Variants in CCDC192 observed in about 807,000 individuals in gnomAD.
The protein encoded by CCDC192 is coiled-coil domain containing 192, also known as coiled-coil domain-containing protein 192.
chr5:127,820,521 G>A (rs1217767734), intron 5 of CCDC192, among the ~76,000 whole-genome samples: 1 of 152,208 alleles, frequency 6.6e-6, no homozygotes, highest in Non-Finnish European at 1.5e-5. Context: ...TGCAGAGGTT[G>A]AGGAGAGCTG....
chr5:127,906,825 C>T (rs577261042), intron 6 of CCDC192, among the ~76,000 whole-genome samples: 4 of 152,168 alleles, frequency 2.6e-5, no homozygotes, highest in African/African-American at 9.6e-5. Context: ...TATTTGAGTT[C>T]CTCCTTTCAG....
intron 5 of CCDC192, among the ~76,000 whole-genome samples, chr5:127,849,872 A>G (rs1340654996): frequency 1.3e-5 from 2 of 152,322 alleles, no homozygotes; most frequent in Non-Finnish European, 2.9e-5. Context: ...AAATCCAAAT[A>G]AGACCTTTCA....
At chr5:127,936,515 A>G (rs938446960) in intron 6 of CCDC192, among the ~76,000 whole-genome samples, 1 of 152,162 alleles carries the variant, frequency 6.6e-6, no homozygotes, top group African/African-American at 2.4e-5. Flanking sequence ...GCCATCCCCT[A>G]TAGTCTTTTT....
chr5:127,717,830 A>C (rs1296943340), intron 2 of CCDC192, among the ~76,000 whole-genome samples: 5 of 151,708 alleles, frequency 3.3e-5, no homozygotes, highest in Middle Eastern at 3.4e-3. Context: ...ACATAGTCCC[A>C]AAAACTTCAG....
At chr5:127,900,326 G>A (rs899201669) in intron 6 of CCDC192, among the ~76,000 whole-genome samples, 1 of 152,174 alleles carries the variant, frequency 6.6e-6, no homozygotes, top group Admixed American at 6.5e-5. Flanking sequence ...GATGTACATG[G>A]AAAACGGAAT....
intron 5 of CCDC192, among the ~76,000 whole-genome samples, chr5:127,866,414 A>G (rs1157660991): frequency 6.7e-6 from 1 of 150,160 alleles, no homozygotes; most frequent in Non-Finnish European, 1.5e-5. Context: ...TTTTCTTAGG[A>G]AAAAACTTAG....
At chr5:127,814,140 G>C (rs1032328063) in intron 5 of CCDC192, among the ~76,000 whole-genome samples, 2 of 152,128 alleles carry the variant, frequency 1.3e-5, no homozygotes, top group Non-Finnish European at 2.9e-5. Flanking sequence ...AAACAGGGAG[G>C]CTGCTTCAGG....
chr5:127,773,890 G>A (rs1392289714), intron 3 of CCDC192, among the ~76,000 whole-genome samples: 1 of 152,096 alleles, frequency 6.6e-6, no homozygotes, highest in Non-Finnish European at 1.5e-5. Context: ...CAATGTACAA[G>A]GGCTATTATT....
chr5:127,845,377 T>C (rs903970177), intron 5 of CCDC192, among the ~76,000 whole-genome samples: 3 of 152,184 alleles, frequency 2.0e-5, no homozygotes, highest in Admixed American at 2.0e-4. Flanking sequence ...TTTTGTTGAT[T>C]TGTTTGTATG....
chr5:127,769,691 G>A (rs918027319), intron 3 of CCDC192, among the ~76,000 whole-genome samples: 2 of 152,192 alleles, frequency 1.3e-5, no homozygotes, highest in Non-Finnish European at 1.5e-5. Context: ...GTTTCAAGGG[G>A]CATGAGGTGC....
chr5:127,788,980 C>G (rs1382746249), intron 3 of CCDC192, among the ~76,000 whole-genome samples: 1 of 152,098 alleles, frequency 6.6e-6, no homozygotes. Flanking sequence ...TTTTCTTCAT[C>G]ATGTGAGGAT....
intron 5 of CCDC192, among the ~76,000 whole-genome samples, chr5:127,850,352 A>C (rs534767213): frequency 1.4e-4 from 21 of 152,292 alleles, no homozygotes; most frequent in African/African-American, 4.6e-4. Flanking sequence ...TCCCAGGGCT[A>C]ATGCACTAGA....
In CCDC192 at chr5:127,847,094, A is replaced by G. The variant is rs140372924; in HGVS notation, c.412-28444A>G. ...ATGACTCATGATTTTCTACAGAACA[A>G]ATTTCCATGGTGCTACCTTTAAGAG... On this transcript the variant is annotated intron_variant, in intron 5 of 6. Coordinates refer to ENST00000514853, the MANE Select transcript of CCDC192 (RefSeq NM_001317938.2). 2.2e-4 allele frequency among the ~76,000 whole-genome samples: 33 copies of G among 152,232 alleles called. No individual in the cohort carries two copies. The East Asian group carries it at 6.2e-3, about 29-fold the overall frequency.
chr5:127,853,363 C>T (rs563181832), intron 5 of CCDC192, among the ~76,000 whole-genome samples: 1 of 152,294 alleles, frequency 6.6e-6, no homozygotes, highest in South Asian at 2.1e-4. Flanking sequence ...CTGAACCAAG[C>T]ACTCTTAACA....
intron 2 of CCDC192, among the ~76,000 whole-genome samples, chr5:127,714,585 A>AGTT (rs1276774357): frequency 6.6e-6 from 1 of 151,938 alleles, no homozygotes; most frequent in Non-Finnish European, 1.5e-5. Context: ...GTAGAGATAG[A>AGTT]GTTTCAACTC....
chr5:127,904,797 T>A (rs1424185238), intron 6 of CCDC192, among the ~76,000 whole-genome samples: 1 of 152,120 alleles, frequency 6.6e-6, no homozygotes, highest in Non-Finnish European at 1.5e-5. Flanking sequence ...CCACCGCACT[T>A]GGCCTGGCAG....
intron 6 of CCDC192, among the ~76,000 whole-genome samples, chr5:127,931,326 T>C (rs1444450150): frequency 6.6e-6 from 1 of 152,196 alleles, no homozygotes; most frequent in African/African-American, 2.4e-5. Context: ...ATTTTTTCTG[T>C]ATGTTCTGGA....
rs764890170 is a variant in CCDC192 at position 127,867,194 on chromosome 5, G to A, written c.412-8344G>A. On this transcript the variant is annotated intron_variant, in intron 5 of 6. Transcript: ENST00000514853. ...TGGTACTTCAATACCTCAATTTTCC[G>A]GTCCTTGAACACATGCCTGTGCTTT... Among the ~76,000 whole-genome samples, 11 of 152,190 alleles carry A rather than the reference G, an allele frequency of 7.2e-5. No homozygotes were observed. The East Asian group carries it at 9.7e-4, about 13-fold the overall frequency.
chr5:127,806,548 T>C (rs547361013), intron 5 of CCDC192, among the ~76,000 whole-genome samples: 1 of 152,314 alleles, frequency 6.6e-6, no homozygotes, highest in South Asian at 2.1e-4. Context: ...TTTCAGTTTC[T>C]TACTTAATAA....
Sources: gnomAD v4.1 joint callset for allele counts (sites outside exome capture counted in the v4.1 genomes callset) on GRCh38, gnomAD v4.1.1 for gene constraint, MANE v1.5 for transcripts, NCBI Gene and HGNC (gene_info 2026-07-23, HGNC 2026-07-21) for gene names.